Variants in NRCAM observed in about 807,000 individuals in gnomAD.
NRCAM encodes the protein neuronal cell adhesion molecule, also known as NgCAM-related cell adhesion molecule.
In NRCAM, 83 loss-of-function variants were observed where a neutral mutation model predicts 156.5. The ratio of observed to expected loss-of-function variants is 0.53; its 90% confidence interval spans 0.44 to 0.64. The LOEUF is 0.64. NRCAM is among the 30% of genes least tolerant of loss of function. The pLI, the probability that NRCAM is intolerant of heterozygous loss-of-function variation, is 0.00. For missense variants in NRCAM, 1,417 were observed against 1,597.3 expected (o/e 0.89, Z 1.92); for synonymous variants, 538 against 563.9 (o/e 0.95, Z 0.65).
At chr7:108,306,522 CT>C (rs1380124650) in intron 3 of NRCAM, among the ~76,000 whole-genome samples, 2 of 152,130 alleles carry the variant, frequency 1.3e-5, no homozygotes, top group East Asian at 3.8e-4. Flanking sequence ...CTTTCTAATC[CT>C]TTTGGTCTTC....
intron 13 of NRCAM, chr7:108,207,271 A>C: frequency 6.5e-6 from 2 of 307,064 alleles, no homozygotes; most frequent in Non-Finnish European, 1.2e-5. Context: ...CATTCTTCCC[A>C]TTATCCATGT....
chr7:108,191,587 C>T (rs2071571771), intron 18 of NRCAM, 142 bp downstream of exon 18: 1 of 1,042,294 alleles, frequency 9.6e-7, no homozygotes, highest in African/African-American at 1.6e-5. Context: ...TCCAAGGCAT[C>T]TTTCAAAGAA....
intron 8 of NRCAM, among the ~76,000 whole-genome samples, chr7:108,229,556 A>G (rs959649571): frequency 6.6e-6 from 1 of 152,016 alleles, no homozygotes; most frequent in Admixed American, 6.6e-5. Flanking sequence ...TCACCTCTGG[A>G]GGGCTCCTGG....
At chr7:108,324,213 A>G (rs999376739) in intron 2 of NRCAM, among the ~76,000 whole-genome samples, 2 of 152,254 alleles carry the variant, frequency 1.3e-5, no homozygotes, top group South Asian at 2.1e-4. Context: ...TGAGACAGGA[A>G]GACCACATAA....
intron 13 of NRCAM, among the ~76,000 whole-genome samples, chr7:108,198,394 C>T (rs186305383): frequency 2.0e-5 from 3 of 151,424 alleles, no homozygotes; most frequent in African/African-American, 4.9e-5. Flanking sequence ...CCCCTTGTAT[C>T]TTTTTTTTAA....
chr7:108,232,338 C>T lies in NRCAM; in HGVS notation c.415G>A (p.Val139Ile), dbSNP rs2094439481. ...AGTTTCCACTTACTGGATGGGCGGA[C>T]AACAATGTTATTAGAAACTGCAGCT... ...RGAAVSNNIV[V>I]RPSRSPLWTK... Residue 139 changes from valine to isoleucine, a missense_variant, in exon 7 of 33, where the codon GTC becomes ATC. Val to Ile is a conservative substitution (Grantham distance 29, BLOSUM62 3). Coordinates refer to ENST00000379028, the MANE Select transcript of NRCAM (RefSeq NM_001037132.4). The T allele has an allele frequency of 6.2e-7, 1 of 1,602,976 alleles. No homozygotes were observed.
chr7:108,330,063 A>G (rs1014456658), intron 2 of NRCAM, among the ~76,000 whole-genome samples: 1 of 152,164 alleles, frequency 6.6e-6, no homozygotes, highest in Non-Finnish European at 1.5e-5. Context: ...TACAACACAC[A>G]TGACTGATTA....
At chr7:108,351,818 C>T (rs973940879) in intron 2 of NRCAM, among the ~76,000 whole-genome samples, 5 of 151,138 alleles carry the variant, frequency 3.3e-5, no homozygotes, top group African/African-American at 1.2e-4. Context: ...ATGAAATACA[C>T]ATTTAACAAA....
intron 24 of NRCAM, among the ~76,000 whole-genome samples, chr7:108,181,290 T>C (rs1313771969): frequency 6.6e-6 from 1 of 151,928 alleles, no homozygotes; most frequent in African/African-American, 2.4e-5. Flanking sequence ...TGGCTGCCTA[T>C]CAGTAAAAAA....
At chr7:108,226,125 G>T in intron 9 of NRCAM, 83 bp downstream of exon 9, 1 of 967,908 alleles carries the variant, frequency 1.0e-6, no homozygotes. Context: ...TTACTTCAAA[G>T]TCAGTAGTAT....
intron 20 of NRCAM, 32 bp downstream of exon 20, chr7:108,189,613 T>C: frequency 1.1e-6 from 1 of 880,722 alleles, no homozygotes; most frequent in East Asian, 2.5e-5. Flanking sequence ...GCCATTTAGT[T>C]GATCGGAAAT....
Position 108,411,843 on chromosome 7 carries a change from T to C in NRCAM, c.-331-12250A>G, listed in dbSNP as rs57939941. ...ACCACACCCAGCCAGGCCTAGATCT[T>C]CTAACAGCTACACAGTATGGATGTA... On this transcript the variant is annotated intron_variant, in intron 1 of 32. Transcript: ENST00000379028. 5.4e-3 allele frequency among the ~76,000 whole-genome samples: 815 copies of C among 152,292 alleles called. 8 individuals carry two copies. Among genetic ancestry groups the C allele is most frequent in the African/African-American group, 0.019 (787 of 41,560 alleles).
At chr7:108,236,885 GAGT>G (rs2095076908) in intron 5 of NRCAM, among the ~76,000 whole-genome samples, 1 of 152,056 alleles carries the variant, frequency 6.6e-6, no homozygotes, top group Admixed American at 6.6e-5. Context: ...GCTTTTCTGG[GAGT>G]GACACAGGTG....
intron 11 of NRCAM, among the ~76,000 whole-genome samples, chr7:108,218,347 T>C (rs1465747506): frequency 6.6e-6 from 1 of 152,214 alleles, no homozygotes; most frequent in African/African-American, 2.4e-5. Context: ...TCGATCTTGC[T>C]GGGAGCTGCA....
chr7:108,355,469 A>G (rs1489289418), intron 2 of NRCAM, among the ~76,000 whole-genome samples: 2 of 152,250 alleles, frequency 1.3e-5, no homozygotes, highest in East Asian at 3.8e-4. Flanking sequence ...ATTTATAAAG[A>G]TATCAGCTAG....
intron 5 of NRCAM, among the ~76,000 whole-genome samples, chr7:108,237,310 C>T (rs1293526210): frequency 3.9e-5 from 6 of 152,116 alleles, no homozygotes; most frequent in Admixed American, 1.3e-4. Context: ...TACATAGTCA[C>T]GAAGGCTGAA....
chr7:108,301,424 A>G (rs2098608466), intron 3 of NRCAM, among the ~76,000 whole-genome samples: 1 of 152,214 alleles, frequency 6.6e-6, no homozygotes. Context: ...GGACAACAGC[A>G]ACTAATGAAG....
intron 1 of NRCAM, among the ~76,000 whole-genome samples, chr7:108,408,534 T>C (rs1791322362): frequency 2.0e-5 from 3 of 152,190 alleles, no homozygotes; most frequent in Non-Finnish European, 4.4e-5. Flanking sequence ...GAGGGCACCA[T>C]CCTCCCCTCC....
chr7:108,390,626 G>A (rs1419940324), intron 2 of NRCAM, among the ~76,000 whole-genome samples: 2 of 152,012 alleles, frequency 1.3e-5, no homozygotes, highest in African/African-American at 2.4e-5. Context: ...TTTTGAATGT[G>A]CTTGCTCTTG....
Sources: allele counts gnomAD v4.1 joint callset (sites outside exome capture counted in the v4.1 genomes callset), GRCh38; gene constraint gnomAD v4.1.1; transcripts MANE v1.5; gene names NCBI Gene and HGNC (gene_info 2026-07-23, HGNC 2026-07-21).